The following CNMD variants were observed in gnomAD, a reference collection of about 807,000 sequenced individuals.
CNMD encodes leukocyte cell-derived chemotaxin 1.
Under a neutral mutation model 37.5 loss-of-function variants are expected in CNMD, and 30 were observed. The ratio of observed to expected loss-of-function variants is 0.80; its 90% CI spans 0.60 to 1.09. The LOEUF is 1.09. Ranked by LOEUF, CNMD falls within the 50% of genes least tolerant of loss-of-function variation. The pLI, the probability that CNMD is intolerant of heterozygous loss-of-function variation, is 0.00. For missense variants in CNMD, 398 were observed against 423.9 expected, an observed-to-expected ratio of 0.94 and a Z score of 0.54; for synonymous variants, 167 against 148.2, an observed-to-expected ratio of 1.13 and a Z score of -0.92.
At chr13:52,709,481 G>A (rs1964257030) in intron 5 of CNMD, among the ~76,000 whole-genome samples, 2 of 152,170 alleles carry the variant, frequency 1.3e-5, no homozygotes, top group Admixed American at 6.5e-5. Flanking sequence ...AAATATCTTG[G>A]TTTATTCTTT....
intron 4 of CNMD, among the ~76,000 whole-genome samples, chr13:52,716,678 G>T (rs1220613562): frequency 6.6e-6 from 1 of 152,106 alleles, no homozygotes; most frequent in Non-Finnish European, 1.5e-5. Flanking sequence ...CATTATTTCT[G>T]AGGGCTCTGT....
In CNMD at chr13:52,739,313, C is replaced by A; in HGVS notation, c.73-142G>T. ...GCTCGCCCGGGCTCCTACGGGTGCC[C>A]CTTTCGCCGCGCTCCCTCCCGAGGG... On this transcript the variant is annotated intron_variant, in intron 1 of 6. Coordinates refer to ENST00000377962, the MANE Select transcript of CNMD (RefSeq NM_007015.3). This position sits in a 1 kb window ranked among gnomAD's most constrained non-coding sequence, Gnocchi z 5.4. 1 of 1,005,482 alleles carries A rather than the reference C, an allele frequency of 9.9e-7. No homozygotes were observed. Among genetic ancestry groups the A allele is most frequent in the Non-Finnish European group, 1.4e-6 (1 of 721,702 alleles). The allele number at this position is 1,005,482 out of a possible 1,614,324, so 62.3% of individuals were successfully genotyped here.
At chr13:52,713,610 C>T (rs912759610) in intron 4 of CNMD, among the ~76,000 whole-genome samples, 2 of 152,210 alleles carry the variant, frequency 1.3e-5, no homozygotes, top group East Asian at 1.9e-4. Flanking sequence ...TATGCTTTCT[C>T]CCTCAGGCTT....
chr13:52,703,886 G>C (rs1022593565), intron 6 of CNMD, 76 bp from the exon 7 acceptor site: 2 of 1,325,320 alleles, frequency 1.5e-6, no homozygotes, highest in Non-Finnish European at 2.1e-6. Context: ...TTTTAAATAA[G>C]ATTCTGAATT....
chr13:52,714,178 A>G (rs1226947776), intron 4 of CNMD, among the ~76,000 whole-genome samples: 1 of 152,150 alleles, frequency 6.6e-6, no homozygotes, highest in East Asian at 1.9e-4. Context: ...TTGAATGCCA[A>G]CTAAGGAAGT....
Position 52,713,900 on chromosome 13 carries a change from T to C in CNMD, c.469-1031A>G, listed in dbSNP as rs1451291731. ...AATGTTAAATAAATCTTGAGGCATG[T>C]ACTTTTGGTTGCCTACCCAATCTCC... On this transcript the variant is annotated intron_variant, in intron 4 of 6. Coordinates refer to ENST00000377962, the MANE Select transcript of CNMD (RefSeq NM_007015.3). Among the ~76,000 whole-genome samples, 12 of 152,204 alleles carry C rather than the reference T, an allele frequency of 7.9e-5. 1 individual carries two copies. The highest frequency in any genetic ancestry group is 3.3e-4 in the Admixed American group (5 of 15,282).
At position 52,738,314 on chromosome 13, in the gene CNMD, A is replaced by G. The variant is rs554106536; in HGVS notation, c.213+717T>C. 2.6e-5 allele frequency among the ~76,000 whole-genome samples: 4 copies of G among 152,352 alleles called. No homozygotes were observed. In the East Asian group the frequency reaches 7.7e-4, roughly 29 times the overall value. On this transcript the variant is annotated intron_variant, in intron 2 of 6. Transcript: ENST00000377962. ...AGCTCTGCCCAGTCAACTTAGAAAC[A>G]GTCTTTATACTCCTCGAGAGCCGTG...
chr13:52,731,405 T>C (rs1964665448), intron 3 of CNMD, among the ~76,000 whole-genome samples: 1 of 152,152 alleles, frequency 6.6e-6, no homozygotes, highest in Non-Finnish European at 1.5e-5. Flanking sequence ...GAGAAAGTAA[T>C]AGTGTAGGTA....
intron 4 of CNMD, among the ~76,000 whole-genome samples, chr13:52,721,311 T>C (rs1964478336): frequency 6.6e-6 from 1 of 152,058 alleles, no homozygotes; most frequent in African/African-American, 2.4e-5. Context: ...GAGTGAATGG[T>C]TCTGTCTTGC....
At chr13:52,724,292 G>A (rs574688151) in intron 3 of CNMD, among the ~76,000 whole-genome samples, 182 bp from the exon 4 acceptor site, 2 of 151,834 alleles carry the variant, frequency 1.3e-5, no homozygotes, top group East Asian at 1.9e-4. Flanking sequence ...ACAGCCGGGC[G>A]GCCTGGCGCG....
chr13:52,737,331 G>T (rs1399508089), intron 2 of CNMD, among the ~76,000 whole-genome samples: 2 of 152,132 alleles, frequency 1.3e-5, no homozygotes, highest in Non-Finnish European at 2.9e-5. Flanking sequence ...AAACTATCAT[G>T]ATTTTCTTCA....
intron 4 of CNMD, among the ~76,000 whole-genome samples, chr13:52,723,604 A>G (rs1474774666): frequency 6.6e-6 from 1 of 152,212 alleles, no homozygotes; most frequent in Non-Finnish European, 1.5e-5. Flanking sequence ...CCATCTAGTC[A>G]TGAACCTATC....
chr13:52,728,180 G>A lies in CNMD; in HGVS notation c.355-4070C>T, dbSNP rs557466088. ...AGGCAGGAGGATCACGAGGTCAAGA[G>A]ATGGAGACCATCCTGGCCAACATGG... On this transcript the variant is annotated intron_variant, in intron 3 of 6. Coordinates refer to ENST00000377962, the MANE Select transcript of CNMD (RefSeq NM_007015.3). Among the ~76,000 whole-genome samples, 120 of 152,308 alleles carry A rather than the reference G, an allele frequency of 7.9e-4. 1 individual carries two copies. The highest frequency in any genetic ancestry group is 6.8e-3 in the South Asian group (33 of 4,828).
rs1052308 is a variant in CNMD, at chr13:52,703,342, G to C, written c.*253C>G. 8 of 373,240 alleles carry C rather than the reference G, an allele frequency of 2.1e-5. No homozygotes were observed. The highest frequency in any genetic ancestry group is 1.4e-4 in the African/African-American group (7 of 49,424). The allele number at this position is 373,240 out of a possible 1,614,324, so 23.1% of individuals were successfully genotyped here. On this transcript the variant is annotated 3_prime_UTR_variant, in exon 7 of 7. Transcript: ENST00000377962. Reference sequence around the variant, plus strand: ...CAAGCAAGGGAAGACTTATGGCAAAGCAATGCAAATAAAAAATAACAAATA... The same window carrying C: ...CAAGCAAGGGAAGACTTATGGCAAACCAATGCAAATAAAAAATAACAAATA...
intron 2 of CNMD, among the ~76,000 whole-genome samples, chr13:52,737,761 G>T (rs1964796249): frequency 6.6e-6 from 1 of 152,188 alleles, no homozygotes; most frequent in African/African-American, 2.4e-5. Context: ...TGGAGATGTA[G>T]ATATTGAAAT....
chr13:52,709,047 A>G (rs1382212437), intron 5 of CNMD, among the ~76,000 whole-genome samples: 1 of 152,078 alleles, frequency 6.6e-6, no homozygotes, highest in African/African-American at 2.4e-5. Context: ...TTCCTTTGCA[A>G]TTAGAAGTGG....
intron 3 of CNMD, among the ~76,000 whole-genome samples, chr13:52,725,891 A>T (rs1566228187): frequency 6.6e-6 from 1 of 152,200 alleles, no homozygotes; most frequent in Non-Finnish European, 1.5e-5. Context: ...GCTCTACCTT[A>T]TGTAGTCACA....
At chr13:52,738,542 CA>C (rs914106443) in intron 2 of CNMD, among the ~76,000 whole-genome samples, 4 of 152,024 alleles carry the variant, frequency 2.6e-5, no homozygotes, top group African/African-American at 7.2e-5. Context: ...GGCTAGGTCA[CA>C]AAAAAACCTT....
At chr13:52,731,961 TCTGGGCACATACAGAGCA>T (rs1428257481) in intron 3 of CNMD, among the ~76,000 whole-genome samples, 1 of 152,250 alleles carries the variant, frequency 6.6e-6, no homozygotes, top group African/African-American at 2.4e-5. Flanking sequence ...ACAAAGTGCG[TCTGGGCACATACAGAGCA>T]GCAGAGGCTG....
Sources: allele counts gnomAD v4.1 joint callset (sites outside exome capture counted in the v4.1 genomes callset), GRCh38; gene constraint gnomAD v4.1.1; non-coding constraint Gnocchi (gnomAD v3.1); transcripts MANE v1.5; gene names NCBI Gene and HGNC (gene_info 2026-07-23, HGNC 2026-07-21).